TPD52: variants seen among roughly 807,000 people sequenced by gnomAD.
The protein encoded by TPD52 is prostate and colon associated protein.
Under a neutral mutation model 31.3 loss-of-function variants are expected in TPD52, and 17 were observed. That is an observed-to-expected ratio of 0.54 (90% CI 0.37 to 0.82). The LOEUF (loss-of-function observed/expected upper bound fraction) is 0.82, where lower values mean the gene tolerates loss of function less well. TPD52 is among the 40% of genes least tolerant of loss of function. The pLI is 0.00. For missense variants in TPD52, 212 were observed against 240.1 expected (o/e 0.88, Z 0.77); for synonymous variants, 83 against 89.6 (o/e 0.93, Z 0.42).
chr8:80,163,583 C>G (rs958703384), intron 1 of TPD52, among the ~76,000 whole-genome samples: 4 of 152,222 alleles, frequency 2.6e-5, no homozygotes, highest in Admixed American at 6.5e-5. Context: ...TCGTACTGTA[C>G]ATTTAAAAAC....
At chr8:80,150,458 A>G (rs1221347914) in intron 1 of TPD52, among the ~76,000 whole-genome samples, 1 of 152,210 alleles carries the variant, frequency 6.6e-6, no homozygotes, top group East Asian at 1.9e-4. Context: ...ATCATCCTCC[A>G]GATCCCAAAA....
chr8:80,118,020 C>G (rs567430271), intron 1 of TPD52, among the ~76,000 whole-genome samples: 1 of 152,260 alleles, frequency 6.6e-6, no homozygotes, highest in East Asian at 1.9e-4. Context: ...GTGTGAGCCA[C>G]CGCACCCAAC....
intron 1 of TPD52, among the ~76,000 whole-genome samples, chr8:80,075,016 T>C (rs1563601992): frequency 2.0e-5 from 3 of 152,128 alleles, no homozygotes; most frequent in Admixed American, 1.3e-4. Flanking sequence ...AGTCTTGGTC[T>C]GTCACCAGGC....
intron 1 of TPD52, among the ~76,000 whole-genome samples, chr8:80,079,754 A>G (rs891202986): frequency 1.3e-5 from 2 of 152,138 alleles, no homozygotes; most frequent in African/African-American, 4.8e-5. Context: ...TGGCCTTCAA[A>G]GCAATCTCAT....
intron 2 of TPD52, 52 bp downstream of exon 2, chr8:80,064,426 G>T: frequency 7.5e-7 from 1 of 1,340,200 alleles, no homozygotes; most frequent in Non-Finnish European, 1.1e-6. Flanking sequence ...AATCACAAAT[G>T]ACAGTACATT....
chr8:80,135,492 C>T (rs1165534720), intron 1 of TPD52, among the ~76,000 whole-genome samples: 1 of 152,142 alleles, frequency 6.6e-6, no homozygotes, highest in Non-Finnish European at 1.5e-5. Flanking sequence ...ACTCTTAAGG[C>T]ACTGGTTTTC....
intron 1 of TPD52, among the ~76,000 whole-genome samples, chr8:80,121,156 C>G (rs1168388473): frequency 6.6e-6 from 1 of 151,898 alleles, no homozygotes; most frequent in Non-Finnish European, 1.5e-5. Flanking sequence ...CTTCTTCTAC[C>G]CACAGAAATT....
rs955969203 is a variant in TPD52, at chr8:80,036,592, C to T, written c.*1524G>A. ...ATAATAAATATTGAGACCTATACTA[C>T]TGATAGATGGAATTTATTAAGCTTT... is the stretch of plus-strand genomic sequence containing the variant. On this transcript the variant is annotated 3_prime_UTR_variant, in exon 8 of 8. Coordinates refer to ENST00000518937, the MANE Select transcript of TPD52 (RefSeq NM_001025253.3). 3.9e-5 allele frequency: 6 copies of T among 152,486 alleles called. No homozygotes were observed. The highest frequency in any genetic ancestry group is 1.2e-4 in the African/African-American group (5 of 41,376). The allele number at this position is 152,486 out of a possible 1,614,324, so 9.4% of individuals were successfully genotyped here. A position where few individuals can be genotyped will look rare whatever the true frequency, so the allele number is the denominator to read the frequency against.
At chr8:80,138,360 A>G (rs1180738967) in intron 1 of TPD52, among the ~76,000 whole-genome samples, 1 of 152,236 alleles carries the variant, frequency 6.6e-6, no homozygotes, top group East Asian at 1.9e-4. Context: ...CATAAAATCC[A>G]AGAGGAAGAG....
chr8:80,094,430 T>TTATATATATATATA (rs61266725), intron 1 of TPD52, among the ~76,000 whole-genome samples: 12 of 53,702 alleles, frequency 2.2e-4, no homozygotes, highest in Non-Finnish European at 4.3e-4. Context: ...AAAGAAAATT[T>TTATATATATATATA]TATATATATA....
chr8:80,165,881 C>T (rs910095478), intron 1 of TPD52, among the ~76,000 whole-genome samples: 2 of 126,332 alleles, frequency 1.6e-5, no homozygotes, highest in African/African-American at 6.0e-5. Flanking sequence ...CGCCAGAAAC[C>T]CTAAAAGGGT....
intron 1 of TPD52, among the ~76,000 whole-genome samples, chr8:80,153,254 A>C (rs1810707435): frequency 1.3e-5 from 2 of 152,322 alleles, no homozygotes; most frequent in African/African-American, 2.4e-5. Flanking sequence ...TGCTCCAGGA[A>C]CTGAAGGAAG....
At chr8:80,095,685 G>C (rs573528263) in intron 1 of TPD52, among the ~76,000 whole-genome samples, 1 of 126,820 alleles carries the variant, frequency 7.9e-6, no homozygotes, top group Non-Finnish European at 1.6e-5. Context: ...GGTGGCTCAT[G>C]CCTGTAATCC....
chr8:80,075,967 G>A (rs953464858), intron 1 of TPD52, among the ~76,000 whole-genome samples: 10 of 152,172 alleles, frequency 6.6e-5, no homozygotes, highest in African/African-American at 2.4e-4. Flanking sequence ...AAAGAACTAT[G>A]AGCTAAGGAA....
Position 80,064,992 on chromosome 8 carries a change from A to G in TPD52, c.20-399T>C, listed in dbSNP as rs142811834. ...AGTAACCCAGGGCAGGAGTTTGCAT[A>G]TCTCTTCAGCTTGCTGTGGTAATCA... On this transcript the variant is annotated intron_variant, in intron 1 of 7. Coordinates refer to ENST00000518937, the MANE Select transcript of TPD52 (RefSeq NM_001025253.3). 5 of 366,204 alleles carry G rather than the reference A, an allele frequency of 1.4e-5. No individual in the cohort carries two copies. The Admixed American group carries it at 1.9e-4, about 14-fold the overall frequency. The allele number at this position is 366,204 out of a possible 1,614,324, so 22.7% of individuals were successfully genotyped here. A position where few individuals can be genotyped will look rare whatever the true frequency, so the allele number is the denominator to read the frequency against.
At chr8:80,042,539 A>G in intron 7 of TPD52, 81 bp downstream of exon 7, 1 of 1,547,360 alleles carries the variant, frequency 6.5e-7, no homozygotes, top group Non-Finnish European at 8.7e-7. Flanking sequence ...AGAAATATTA[A>G]TGTCAATGAT....
At chr8:80,063,699 A>G (rs1403646259) in intron 2 of TPD52, among the ~76,000 whole-genome samples, 1 of 151,982 alleles carries the variant, frequency 6.6e-6, no homozygotes, top group Non-Finnish European at 1.5e-5. Context: ...CAGGAGGCTG[A>G]GGCAGGAGAA....
intron 1 of TPD52, among the ~76,000 whole-genome samples, chr8:80,065,071 T>G (rs1812969176): frequency 6.6e-6 from 1 of 152,122 alleles, no homozygotes; most frequent in African/African-American, 2.4e-5. Flanking sequence ...GAACTAAATG[T>G]CCTAAGTAAA....
intron 1 of TPD52, among the ~76,000 whole-genome samples, chr8:80,153,475 G>GT (rs146365989): frequency 0.017 from 2,520 of 152,178 alleles, 70 homozygotes; most frequent in African/African-American, 0.057. Context: ...CCCCTCCTAG[G>GT]TCCCAGGCAC....
Sources: gnomAD v4.1 joint callset for allele counts (sites outside exome capture counted in the v4.1 genomes callset) on GRCh38, gnomAD v4.1.1 for gene constraint, MANE v1.5 for transcripts, NCBI Gene and HGNC (gene_info 2026-07-23, HGNC 2026-07-21) for gene names.